Variants in GRIN2A observed in about 807,000 individuals in gnomAD.
The protein encoded by GRIN2A is glutamate ionotropic receptor NMDA type subunit 2A, also known as glutamate receptor ionotropic, NMDA 2A.
Under a neutral mutation model 113.4 loss-of-function variants are expected in GRIN2A, and 22 were observed. The ratio of observed to expected loss-of-function variants is 0.19; its 90% CI spans 0.14 to 0.28. The LOEUF is 0.28. GRIN2A is among the 10% of genes least tolerant of loss of function. The probability of loss-of-function intolerance (pLI) is 1.00; values close to 1 mark genes in which losing one functional copy is unlikely to be tolerated. For synonymous variants in GRIN2A, 827 were observed against 738.4 expected, an observed-to-expected ratio of 1.12 and a Z score of -1.94; for missense variants, 1,502 against 1,887.0, an observed-to-expected ratio of 0.80 and a Z score of 3.78.
At chr16:9,929,650 A>G (rs1291375581) in intron 3 of GRIN2A, among the ~76,000 whole-genome samples, 2 of 152,306 alleles carry the variant, frequency 1.3e-5, no homozygotes, top group African/African-American at 4.8e-5. Context: ...GCATCAGAGT[A>G]ATAGAGATGG....
rs1263178976 is a variant in GRIN2A, at chr16:9,760,323, T to C, written c.*2826A>G. Reference sequence around the variant, plus strand: ...AGACTGAACTGACTTAGATGACCTTTGAATAACTCTACATCTTTTCCTTAG... The same window carrying C: ...AGACTGAACTGACTTAGATGACCTTCGAATAACTCTACATCTTTTCCTTAG... On this transcript the variant is annotated 3_prime_UTR_variant, in exon 13 of 13. Coordinates refer to ENST00000330684, the MANE Select transcript of GRIN2A (RefSeq NM_001134407.3). 4.7e-6 allele frequency: 1 copy of C among 214,540 alleles called. No individual in the cohort carries two copies. Among genetic ancestry groups the C allele is most frequent in the Non-Finnish European group, 9.4e-6 (1 of 106,710 alleles). The allele number at this position is 214,540 out of a possible 1,614,324, so 13.3% of individuals were successfully genotyped here. A position where few individuals can be genotyped will look rare whatever the true frequency, so the allele number is the denominator to read the frequency against.
intron 2 of GRIN2A, among the ~76,000 whole-genome samples, chr16:10,156,197 G>T (rs1045491946): frequency 6.6e-6 from 1 of 152,200 alleles, no homozygotes; most frequent in East Asian, 1.9e-4. Flanking sequence ...CTCTTGCTAT[G>T]CATGAGGTCA....
chr16:9,946,692 A>T (rs1300792983), intron 2 of GRIN2A, among the ~76,000 whole-genome samples: 2 of 152,186 alleles, frequency 1.3e-5, no homozygotes, highest in Non-Finnish European at 2.9e-5. Flanking sequence ...ATCTGATCTA[A>T]TCAGAGTGGC....
At chr16:9,823,085 G>T (rs1346263911) in intron 9 of GRIN2A, among the ~76,000 whole-genome samples, 1 of 152,112 alleles carries the variant, frequency 6.6e-6, no homozygotes, top group Non-Finnish European at 1.5e-5. Flanking sequence ...TAGCTATCAG[G>T]GATACGCAGC....
intron 4 of GRIN2A, among the ~76,000 whole-genome samples, chr16:9,876,187 T>C (rs2043362026): frequency 6.6e-6 from 1 of 152,110 alleles, no homozygotes; most frequent in Admixed American, 6.5e-5. Flanking sequence ...AAATCCCTTG[T>C]GGAATTGCAC....
intron 2 of GRIN2A, among the ~76,000 whole-genome samples, chr16:9,962,016 A>T (rs1040319809): frequency 2.0e-5 from 3 of 152,220 alleles, no homozygotes; most frequent in Non-Finnish European, 4.4e-5. Context: ...TGGGGAAAGG[A>T]TTCCCTATTT....
intron 2 of GRIN2A, among the ~76,000 whole-genome samples, chr16:10,045,180 G>A (rs1000529917): frequency 2.0e-5 from 3 of 152,184 alleles, no homozygotes; most frequent in Non-Finnish European, 2.9e-5. Context: ...TCACCAGGGT[G>A]CAGACATGAT....
chr16:9,963,016 C>G (rs1051789383), intron 2 of GRIN2A, among the ~76,000 whole-genome samples: 8 of 150,544 alleles, frequency 5.3e-5, no homozygotes, highest in Non-Finnish European at 1.0e-4. Flanking sequence ...CAAACTATCG[C>G]AAGGACAAAA....
intron 2 of GRIN2A, among the ~76,000 whole-genome samples, chr16:9,990,545 A>G (rs34305290): frequency 0.2 from 25,464 of 129,262 alleles, 2,502 homozygotes; most frequent in Middle Eastern, 0.26. Flanking sequence ...CTCTCTCTAC[A>G]CGCGCGCGCG....
In GRIN2A at chr16:9,863,277, A is replaced by G. The variant is rs563701396; in HGVS notation, c.1123-13316T>C. On this transcript the variant is annotated intron_variant, in intron 4 of 12. Transcript: ENST00000330684. The stretch of plus-strand genomic sequence containing the variant: ...CCATGCAGCACAGTGATGTCCTGAG[A>G]GTTGGAGAAGCCAGGTTCTCGCCCC... 9.2e-5 allele frequency among the ~76,000 whole-genome samples: 14 copies of G among 152,330 alleles called. No homozygotes were observed. The South Asian group carries it at 2.3e-3, about 25-fold the overall frequency.
chr16:9,928,023 T>C (rs1196531403), intron 3 of GRIN2A, among the ~76,000 whole-genome samples: 6 of 152,198 alleles, frequency 3.9e-5, no homozygotes, highest in Non-Finnish European at 8.8e-5. Flanking sequence ...CCAGTTCATT[T>C]ACCCAACTTT....
At chr16:9,874,159 A>T (rs1192426033) in intron 4 of GRIN2A, among the ~76,000 whole-genome samples, 3 of 152,212 alleles carry the variant, frequency 2.0e-5, no homozygotes, top group African/African-American at 4.8e-5. Flanking sequence ...AGGCCCACTC[A>T]GTCTTTCTAA....
chr16:10,106,189 T>A (rs1380714119), intron 2 of GRIN2A, among the ~76,000 whole-genome samples: 1 of 60,862 alleles, frequency 1.6e-5, no homozygotes, highest in African/African-American at 5.3e-5. Flanking sequence ...GTGAAAGAGT[T>A]TTTTTTTTTT....
chr16:9,958,340 G>C (rs1446376136), intron 2 of GRIN2A, among the ~76,000 whole-genome samples: 1 of 151,978 alleles, frequency 6.6e-6, no homozygotes, highest in Non-Finnish European at 1.5e-5. Flanking sequence ...GGGCAATGTT[G>C]GTCTTCTGAG....
rs568236455 is a variant in GRIN2A at position 10,180,759 on chromosome 16, G to A, written c.-18-330C>T. On this transcript the variant is annotated intron_variant, in intron 1 of 12. Coordinates refer to ENST00000330684, the MANE Select transcript of GRIN2A (RefSeq NM_001134407.3). This position sits in a 1 kb window ranked among gnomAD's most constrained non-coding sequence, Gnocchi z 7.0. ...TTCCCCAAGTTCGCCGCGGGCCACAGACCCTAAGCGCCGCGCGTGTTCTGT... is the reference window on the plus strand; with the variant it reads ...TTCCCCAAGTTCGCCGCGGGCCACAAACCCTAAGCGCCGCGCGTGTTCTGT... 1.5e-5 allele frequency: 7 copies of A among 464,190 alleles called. No individual in the cohort carries two copies. The highest frequency in any genetic ancestry group is 1.0e-4 in the Admixed American group (3 of 29,050). 28.8% of individuals were successfully genotyped at this position (464,190 alleles called of 1,614,324 possible).
At chr16:9,803,423 AAAAC>A (rs2041905036) in intron 10 of GRIN2A, among the ~76,000 whole-genome samples, 2 of 152,030 alleles carry the variant, frequency 1.3e-5, no homozygotes, top group African/African-American at 2.4e-5. Flanking sequence ...CTCAAAAAAA[AAAAC>A]AAGAAAGAAA....
intron 2 of GRIN2A, among the ~76,000 whole-genome samples, chr16:10,071,736 G>T (rs1191158148): frequency 1.3e-5 from 2 of 152,150 alleles, no homozygotes; most frequent in African/African-American, 4.8e-5. Context: ...TCTATCACCA[G>T]TATGGTCCCA....
At chr16:10,040,406 A>T (rs2047139967) in intron 2 of GRIN2A, among the ~76,000 whole-genome samples, 1 of 150,722 alleles carries the variant, frequency 6.6e-6, no homozygotes, top group African/African-American at 2.4e-5. Flanking sequence ...TACACCCACA[A>T]ACACACCACC....
chr16:9,769,378 A>G (rs903230439), intron 11 of GRIN2A: 4 of 148,976 alleles, frequency 2.7e-5, no homozygotes, highest in African/African-American at 9.9e-5. Flanking sequence ...ATATGTATAT[A>G]TATTATATAT....
Sources: gnomAD v4.1 joint callset for allele counts (sites outside exome capture counted in the v4.1 genomes callset) on GRCh38, gnomAD v4.1.1 for gene constraint, Gnocchi (gnomAD v3.1) non-coding constraint, MANE v1.5 for transcripts, NCBI Gene and HGNC (gene_info 2026-07-23, HGNC 2026-07-21) for gene names.